AKAP13: variants seen among roughly 807,000 people sequenced by gnomAD.
AKAP13 encodes A-kinase anchor protein 13.
Under a neutral mutation model 264.5 loss-of-function variants are expected in AKAP13, and 80 were observed. The observed-to-expected ratio is 0.30, with a 90% CI of 0.25 to 0.36. AKAP13 has a LOEUF of 0.36. Among genes scored for constraint, AKAP13 ranks in the 10% least tolerant of loss-of-function variants. AKAP13 has a pLI of 1.00. For missense variants in AKAP13, 3,712 were observed against 3,435.2 expected (o/e 1.08, Z -2.01); for synonymous variants, 1,380 against 1,250.2 (o/e 1.10, Z -2.19).
intron 13 of AKAP13, among the ~76,000 whole-genome samples, chr15:85,665,799 G>A (rs961573520): frequency 6.6e-6 from 1 of 152,090 alleles, no homozygotes; most frequent in East Asian, 1.9e-4. Flanking sequence ...TGTCCTTAGC[G>A]ATAGTTTACT....
At chr15:85,623,251 C>G (rs1202320469) in intron 8 of AKAP13, among the ~76,000 whole-genome samples, 1 of 152,106 alleles carries the variant, frequency 6.6e-6, no homozygotes, top group African/African-American at 2.4e-5. Context: ...TCTAAACACT[C>G]AAAACAACGT....
chr15:85,715,916 A>G lies in AKAP13; in HGVS notation c.5728A>G (p.Ile1910Val). The change falls in exon 20 of 37, where the codon ATT (isoleucine) becomes GTT (valine). Residue 1910 changes from isoleucine (I) to valine (V), a missense_variant. This residue lies in a region of AKAP13 where 2,759 missense variants were observed against 2,411.7 expected (regional missense o/e 1.14). Coordinates refer to ENST00000394518, the MANE Select transcript of AKAP13 (RefSeq NM_007200.5). ...SLSKSVSIQN[I>V]TGVGNDENMS... is the part of the protein sequence containing the mutation. ...CTCCAAAAGTGTCTCCATACAGAACATTACTGGGTAAGTGGAGATATTTAA... is the reference window on the plus strand; with the variant it reads ...CTCCAAAAGTGTCTCCATACAGAACGTTACTGGGTAAGTGGAGATATTTAA... 8 of 1,611,754 alleles carry G rather than the reference A, an allele frequency of 5.0e-6. No individual in the cohort carries two copies. Among genetic ancestry groups the G allele is most frequent in the Non-Finnish European group, 5.9e-6 (7 of 1,179,416 alleles).
chr15:85,451,696 A>G (rs1209956003), intron 1 of AKAP13, among the ~76,000 whole-genome samples: 2 of 152,222 alleles, frequency 1.3e-5, no homozygotes, highest in Non-Finnish European at 2.9e-5. Context: ...ATAGGCCCCC[A>G]GTCTCTTCTG....
chr15:85,546,386 T>A (rs2077746217), intron 5 of AKAP13, among the ~76,000 whole-genome samples: 1 of 148,528 alleles, frequency 6.7e-6, no homozygotes, highest in Non-Finnish European at 1.5e-5. Context: ...AACCTAGATG[T>A]CCATCACAGA....
chr15:85,570,144 T>C (rs1035382064), intron 5 of AKAP13, among the ~76,000 whole-genome samples: 2 of 149,994 alleles, frequency 1.3e-5, no homozygotes, highest in Non-Finnish European at 3.0e-5. Flanking sequence ...TGACAAAGCT[T>C]TGGTAGCATT....
chr15:85,633,544 T>C (rs919765121), intron 8 of AKAP13, among the ~76,000 whole-genome samples: 44 of 131,364 alleles, frequency 3.3e-4, no homozygotes, highest in East Asian at 3.2e-3. Flanking sequence ...TCTTTTTTTT[T>C]TTTTTTTTTT....
intron 8 of AKAP13, among the ~76,000 whole-genome samples, chr15:85,611,751 G>A (rs2080638246): frequency 6.6e-6 from 1 of 152,176 alleles, no homozygotes; most frequent in Admixed American, 6.5e-5. Flanking sequence ...CAAGTAACAT[G>A]TTCAGCTGGG....
chr15:85,602,165 G>A (rs1369034975), intron 8 of AKAP13, among the ~76,000 whole-genome samples: 1 of 151,816 alleles, frequency 6.6e-6, no homozygotes, highest in Non-Finnish European at 1.5e-5. Context: ...CTTTCGGTAT[G>A]CAATCTGAAA....
intron 1 of AKAP13, among the ~76,000 whole-genome samples, chr15:85,440,815 G>T (rs1029636902): frequency 2.0e-5 from 3 of 152,150 alleles, no homozygotes; most frequent in African/African-American, 7.2e-5. Context: ...CCAAGGTAAT[G>T]ATGACCATTT....
At position 85,741,161 on chromosome 15, in the gene AKAP13, G is replaced by A. The variant is rs758388515; in HGVS notation, c.7724G>A (p.Arg2575His). 2.5e-6 allele frequency: 4 copies of A among 1,612,958 alleles called. No homozygotes were observed. The highest frequency in any genetic ancestry group is 3.4e-6 in the Non-Finnish European group (4 of 1,179,514). ...TCCCTCATTGAGCAGGAGAAGCAGC[G>A]CAGCCTGGAGAAGCAGCGCCAGGAC... ...PSSLIEQEKQRSLEKQRQDLA... is the reference protein window; with the variant it reads ...PSSLIEQEKQHSLEKQRQDLA... The change falls in exon 35 of 37, where the codon CGC becomes CAC. Residue 2575 changes from arginine (R) to histidine (H), a missense_variant. This residue lies in a region of AKAP13 where 611 missense variants were observed against 539.3 expected (regional missense o/e 1.13). Transcript: ENST00000394518.
At chr15:85,692,578 C>T (rs565226236) in intron 16 of AKAP13, among the ~76,000 whole-genome samples, 2 of 152,104 alleles carry the variant, frequency 1.3e-5, no homozygotes, top group East Asian at 3.9e-4. Flanking sequence ...TACCATCGTC[C>T]GTATTCTTAA....
At chr15:85,702,579 A>G (rs1597114688) in intron 17 of AKAP13, 1 of 152,180 alleles carries the variant, frequency 6.6e-6, no homozygotes, top group African/African-American at 2.4e-5. Flanking sequence ...GTGGCTTCCC[A>G]TTGTGGTTAA....
At chr15:85,649,637 C>T (rs2082715564) in intron 10 of AKAP13, among the ~76,000 whole-genome samples, 1 of 152,208 alleles carries the variant, frequency 6.6e-6, no homozygotes, top group Non-Finnish European at 1.5e-5. Context: ...GTGACCTTTT[C>T]ACCTTAACCC....
At chr15:85,630,972 T>C (rs2151446555) in intron 8 of AKAP13, among the ~76,000 whole-genome samples, 1 of 151,902 alleles carries the variant, frequency 6.6e-6, no homozygotes, top group East Asian at 1.9e-4. Context: ...TGAATGTTCA[T>C]AGCAGCATCA....
Position 85,394,941 on chromosome 15 carries a change from A to G in AKAP13, c.-12+14143A>G, listed in dbSNP as rs115059578. 1.2e-3 allele frequency among the ~76,000 whole-genome samples: 189 copies of G among 152,336 alleles called. 2 individuals are homozygous for G. The highest frequency in any genetic ancestry group is 4.3e-3 in the African/African-American group (180 of 41,582). On this transcript the variant is annotated intron_variant, in intron 1 of 36. Coordinates refer to ENST00000394518, the MANE Select transcript of AKAP13 (RefSeq NM_007200.5). Reference sequence around the variant, plus strand: ...GACTCCTTTCTACTTTGCTTGGAGTAACTAATTTTCTTACTATTCTTGTCA... The same window carrying G: ...GACTCCTTTCTACTTTGCTTGGAGTGACTAATTTTCTTACTATTCTTGTCA...
At chr15:85,606,401 C>G (rs1441661312) in intron 8 of AKAP13, among the ~76,000 whole-genome samples, 1 of 152,080 alleles carries the variant, frequency 6.6e-6, no homozygotes, top group Non-Finnish European at 1.5e-5. Flanking sequence ...AGTGCCCAGC[C>G]TAGGTTTGAT....
intron 29 of AKAP13, among the ~76,000 whole-genome samples, chr15:85,729,507 G>A (rs1460394905): frequency 6.6e-6 from 1 of 152,160 alleles, no homozygotes; most frequent in Non-Finnish European, 1.5e-5. Flanking sequence ...CTCAGTAGAG[G>A]TGGCCACGTG....
intron 3 of AKAP13, among the ~76,000 whole-genome samples, chr15:85,528,435 C>G (rs1471051259): frequency 1.3e-5 from 2 of 152,064 alleles, no homozygotes; most frequent in East Asian, 3.8e-4. Flanking sequence ...CTTGAGTTTC[C>G]TAAACAGAAG....
chr15:85,749,134 T>TA lies in AKAP13; in HGVS notation c.*4463dup, dbSNP rs2089450040. Reference sequence around the variant, plus strand: ...CATTTGTGTGCTAAATCCTATTAAATAAAAAAGACGGGTTAAAACCCAGAT... The same window carrying TA: ...CATTTGTGTGCTAAATCCTATTAAATAAAAAAAGACGGGTTAAAACCCAGAT... On this transcript the variant is annotated 3_prime_UTR_variant, in exon 37 of 37. Transcript: ENST00000394518. 2.0e-5 allele frequency: 3 copies of TA among 152,228 alleles called. No individual in the cohort carries two copies. The highest frequency in any genetic ancestry group is 2.9e-5 in the Non-Finnish European group (2 of 68,042). 9.4% of individuals were successfully genotyped at this position (152,228 alleles called of 1,614,324 possible).
Sources: allele counts gnomAD v4.1 joint callset (sites outside exome capture counted in the v4.1 genomes callset), GRCh38; gene constraint gnomAD v4.1.1; regional missense constraint gnomAD v4.1.1; transcripts MANE v1.5; gene names NCBI Gene and HGNC (gene_info 2026-07-23, HGNC 2026-07-21).